The following CABLES1 variants were observed in gnomAD, a reference collection of about 807,000 sequenced individuals.
The protein encoded by CABLES1 is Cdk5 and Abl enzyme substrate 1, also known as CDK5 and ABL1 enzyme substrate 1.
Under a neutral mutation model 57.8 loss-of-function variants are expected in CABLES1, and 36 were observed. The observed-to-expected ratio is 0.62, with a 90% CI of 0.48 to 0.82. The LOEUF (loss-of-function observed/expected upper bound fraction) is 0.82, where lower values mean the gene tolerates loss of function less well. CABLES1 is among the 40% of genes least tolerant of loss of function. The probability of loss-of-function intolerance (pLI) is 0.00; values close to 1 mark genes in which losing one functional copy is unlikely to be tolerated. For missense variants in CABLES1, 767 were observed against 836.6 expected, an observed-to-expected ratio of 0.92 and a Z score of 1.03; for synonymous variants, 374 against 363.0, an observed-to-expected ratio of 1.03 and a Z score of -0.35.
intron 4 of CABLES1, among the ~76,000 whole-genome samples, chr18:23,216,069 T>C (rs2047439960): frequency 6.6e-6 from 1 of 152,214 alleles, no homozygotes; most frequent in South Asian, 2.1e-4. Context: ...CAACTTTTAA[T>C]ACATGCTGGA....
chr18:23,206,487 C>T (rs1385814231), intron 3 of CABLES1, among the ~76,000 whole-genome samples: 1 of 152,262 alleles, frequency 6.6e-6, no homozygotes, highest in East Asian at 1.9e-4. Context: ...ATGGTCCATT[C>T]TGCAGCTTTT....
chr18:23,134,670 T>C (rs921751216), upstream of CABLES1: 8 of 151,782 alleles, frequency 5.3e-5, no homozygotes, highest in Non-Finnish European at 1.2e-4. Flanking sequence ...GGGAAAAGAG[T>C]GTAAGGTCAT....
intron 1 of CABLES1, among the ~76,000 whole-genome samples, chr18:23,158,695 C>G (rs139479822): frequency 6.6e-6 from 1 of 152,078 alleles, no homozygotes; most frequent in African/African-American, 2.4e-5. Flanking sequence ...ATGAGTAGAC[C>G]GCTAAGCCAA....
chr18:23,155,763 A>T (rs1428784313), intron 1 of CABLES1: 7 of 1,457,838 alleles, frequency 4.8e-6, no homozygotes, highest in Non-Finnish European at 5.4e-6. Flanking sequence ...CTATGGCTTT[A>T]AGAAAATGGC....
At chr18:23,160,855 G>A (rs1334985663) in intron 1 of CABLES1, among the ~76,000 whole-genome samples, 4 of 152,070 alleles carry the variant, frequency 2.6e-5, no homozygotes, top group African/African-American at 4.8e-5. Flanking sequence ...ACGACATAGT[G>A]AAAGCCCGTC....
At chr18:23,186,786 T>A (rs541809413) in intron 1 of CABLES1, among the ~76,000 whole-genome samples, 57 of 152,306 alleles carry the variant, frequency 3.7e-4, no homozygotes, top group African/African-American at 1.3e-3. Context: ...CAGTGTCTGA[T>A]TCTAGGCCCT....
rs187082946 is a variant in CABLES1, at chr18:23,148,252, G to A, written c.845+11645G>A. Among the ~76,000 whole-genome samples the A allele has an allele frequency of 4.4e-3, 667 of 152,204 alleles. 2 individuals are homozygous for A. Among genetic ancestry groups the A allele is most frequent in the Non-Finnish European group, 7.5e-3 (512 of 67,998 alleles). On this transcript the variant is annotated intron_variant, in intron 1 of 9. Transcript: ENST00000256925. ...GATCCACCCGCCTCAGCCTCCCAAA[G>A]TGCTGGGATTACAGGTGTGAGCCAC...
intron 3 of CABLES1, among the ~76,000 whole-genome samples, chr18:23,196,183 G>T (rs891006796): frequency 1.3e-5 from 2 of 152,194 alleles, no homozygotes; most frequent in Admixed American, 6.5e-5. Flanking sequence ...AGCAAAGCCC[G>T]CAATTGCTGG....
chr18:23,164,964 G>C (rs1437045921), intron 1 of CABLES1, among the ~76,000 whole-genome samples: 2 of 151,918 alleles, frequency 1.3e-5, no homozygotes, highest in Admixed American at 6.6e-5. Flanking sequence ...GTAGAGACAG[G>C]GTTTTACCAT....
intron 1 of CABLES1, among the ~76,000 whole-genome samples, chr18:23,143,453 ACTACCACCTCCG>A (rs1225416526): frequency 1.3e-5 from 2 of 152,254 alleles, no homozygotes; most frequent in African/African-American, 4.8e-5. Flanking sequence ...TGGGAATGAT[ACTACCACCTCCG>A]CCCTGGGCGG....
intron 1 of CABLES1, chr18:23,155,765 G>T (rs2046961305): frequency 6.8e-7 from 1 of 1,470,164 alleles, no homozygotes. Flanking sequence ...ATGGCTTTAA[G>T]AAAATGGCTT....
At chr18:23,251,634 G>T (rs1434955405) in intron 7 of CABLES1, among the ~76,000 whole-genome samples, 1 of 152,184 alleles carries the variant, frequency 6.6e-6, no homozygotes, top group Non-Finnish European at 1.5e-5. Context: ...GGACTCCAAG[G>T]ATCCTTTAAG....
intron 1 of CABLES1, among the ~76,000 whole-genome samples, chr18:23,174,384 T>C (rs1004603177): frequency 6.6e-6 from 1 of 152,206 alleles, no homozygotes; most frequent in Non-Finnish European, 1.5e-5. Context: ...CTGTGAACAT[T>C]GTATATGTCT....
chr18:23,172,616 C>G (rs1384503783), intron 1 of CABLES1, among the ~76,000 whole-genome samples: 1 of 152,160 alleles, frequency 6.6e-6, no homozygotes, highest in Non-Finnish European at 1.5e-5. Context: ...CCACAGTAAC[C>G]AAAGCTTTGG....
At chr18:23,163,209 A>G (rs1456468649) in intron 1 of CABLES1, among the ~76,000 whole-genome samples, 6 of 152,004 alleles carry the variant, frequency 3.9e-5, no homozygotes, top group Admixed American at 2.6e-4. Context: ...AGGAGGAGGA[A>G]GAAGAAGAGG....
intron 1 of CABLES1, among the ~76,000 whole-genome samples, chr18:23,177,418 TAC>T (rs10692529): frequency 0.027 from 3,917 of 144,604 alleles, 82 homozygotes; most frequent in Middle Eastern, 0.07. Context: ...AGCACATGTG[TAC>T]ACACACACAC....
At chr18:23,231,947 T>C (rs1370827997) in intron 4 of CABLES1, among the ~76,000 whole-genome samples, 2 of 152,090 alleles carry the variant, frequency 1.3e-5, no homozygotes, top group African/African-American at 4.8e-5. Flanking sequence ...TGTGAGCAAA[T>C]TGAAGACAGA....
At chr18:23,183,827 T>G (rs1011614675) in intron 1 of CABLES1, among the ~76,000 whole-genome samples, 7 of 152,228 alleles carry the variant, frequency 4.6e-5, no homozygotes, top group African/African-American at 1.4e-4. Context: ...AGTAATGGAC[T>G]TAATTTATGA....
chr18:23,213,396 A>T (rs770037500), intron 3 of CABLES1, among the ~76,000 whole-genome samples: 1 of 152,088 alleles, frequency 6.6e-6, no homozygotes. Context: ...TTTTGATTGC[A>T]TAAGACCATC....
Sources: allele counts gnomAD v4.1 joint callset (sites outside exome capture counted in the v4.1 genomes callset), GRCh38; gene constraint gnomAD v4.1.1; transcripts MANE v1.5; gene names NCBI Gene and HGNC (gene_info 2026-07-23, HGNC 2026-07-21).